Variants in SULF2 observed in about 807,000 individuals in gnomAD.
SULF2 encodes extracellular sulfatase Sulf-2.
Under a neutral mutation model 107.7 loss-of-function variants are expected in SULF2, and 52 were observed. That is an observed-to-expected ratio of 0.48 (90% CI 0.39 to 0.61). The LOEUF is 0.61. SULF2 is among the 20% of genes least tolerant of loss of function. SULF2 has a pLI of 0.00. For missense variants in SULF2, 993 were observed against 1,177.3 expected (o/e 0.84, Z 2.29); for synonymous variants, 460 against 464.3 (o/e 0.99, Z 0.12).
chr20:47,738,791 T>A (rs1043886556), intron 2 of SULF2, among the ~76,000 whole-genome samples: 1 of 152,240 alleles, frequency 6.6e-6, no homozygotes, highest in Non-Finnish European at 1.5e-5. Flanking sequence ...TTTTTCTTTC[T>A]AAATTACCCA....
At position 47,702,515 on chromosome 20, in the gene SULF2, T is replaced by A; in HGVS notation, c.567+4A>T. ...ACTCCCAGGCTGGAAAGGTTGCAGC[T>A]TACCTTGGAGTAGTCGGAGCCGTGC... On this transcript the variant is annotated splice_donor_region_variant and intron_variant, in intron 4 of 20. Transcript: ENST00000688720. 6.2e-7 allele frequency: 1 copy of A among 1,611,274 alleles called. No homozygotes were observed. Among genetic ancestry groups the A allele is most frequent in the Middle Eastern group, 2.2e-4 (1 of 4,546 alleles).
intron 1 of SULF2, among the ~76,000 whole-genome samples, chr20:47,782,100 C>T (rs1276093884): frequency 1.3e-5 from 2 of 152,300 alleles, no homozygotes; most frequent in African/African-American, 4.8e-5. Flanking sequence ...GATTACTTTA[C>T]AGTTCTTCTA....
chr20:47,724,387 T>C (rs551007786), intron 3 of SULF2, among the ~76,000 whole-genome samples: 85 of 152,318 alleles, frequency 5.6e-4, no homozygotes, highest in Middle Eastern at 3.4e-3. Context: ...GCTGTGGCTA[T>C]TGAGGAAGAC....
At chr20:47,658,657 T>G (rs1216771610) in intron 20 of SULF2, among the ~76,000 whole-genome samples, 5 of 152,172 alleles carry the variant, frequency 3.3e-5, no homozygotes, top group Non-Finnish European at 7.3e-5. Flanking sequence ...TGTACCTTAA[T>G]TCTAGAAGCA....
chr20:47,664,323 G>A (rs981502130), intron 14 of SULF2, 134 bp from the exon 15 acceptor site: 1 of 858,474 alleles, frequency 1.2e-6, no homozygotes. Flanking sequence ...GGGTGGTGGT[G>A]GGTAGGGCAT....
At chr20:47,778,686 GCT>G in intron 1 of SULF2, among the ~76,000 whole-genome samples, 1 of 152,320 alleles carries the variant, frequency 6.6e-6, no homozygotes. Context: ...TGAATATTTA[GCT>G]CTGTCTGTTA....
At chr20:47,671,506 T>A (rs1052370164) in intron 11 of SULF2, among the ~76,000 whole-genome samples, 1 of 151,954 alleles carries the variant, frequency 6.6e-6, no homozygotes, top group Non-Finnish European at 1.5e-5. Context: ...ACTCCTGACC[T>A]CAAGTGATCT....
chr20:47,676,701 G>C, intron 9 of SULF2, 78 bp from the exon 10 acceptor site: 1 of 1,519,708 alleles, frequency 6.6e-7, no homozygotes, highest in Non-Finnish European at 8.8e-7. Flanking sequence ...TGCCCACCTA[G>C]AGGGGTGCCC....
chr20:47,765,340 C>A (rs1056995226), intron 1 of SULF2, among the ~76,000 whole-genome samples: 1 of 146,158 alleles, frequency 6.8e-6, no homozygotes, highest in African/African-American at 2.6e-5. Flanking sequence ...GGTGACAGAG[C>A]GACACTGCCT....
intron 7 of SULF2, among the ~76,000 whole-genome samples, chr20:47,679,899 C>T (rs753065781): frequency 1.4e-5 from 2 of 144,450 alleles, no homozygotes; most frequent in Non-Finnish European, 3.0e-5. Context: ...CTTTATCTTT[C>T]TCCTGAAGAC....
Position 47,666,003 on chromosome 20 carries a change from C to G in SULF2, c.1806-50G>C. 1.2e-6 allele frequency: 2 copies of G among 1,600,316 alleles called. No individual in the cohort carries two copies. The highest frequency in any genetic ancestry group is 1.7e-6 in the Non-Finnish European group (2 of 1,167,844). ...TGGCTCGGAGGTGGTGGAGGGGGAG[C>G]AGCCCAGGTGCCCAAGAGGTGTGGG... On this transcript the variant is annotated intron_variant, in intron 12 of 20. Coordinates refer to ENST00000688720, the MANE Select transcript of SULF2 (RefSeq NM_001387048.1). The surrounding 1 kb of genome is among the most constrained non-coding windows in gnomAD (Gnocchi z 5.4).
At chr20:47,673,981 C>A (rs941641552) in intron 10 of SULF2, among the ~76,000 whole-genome samples, 1 of 152,270 alleles carries the variant, frequency 6.6e-6, no homozygotes, top group African/African-American at 2.4e-5. Flanking sequence ...TCCAACCCAA[C>A]AAACTCAGCT....
chr20:47,714,488 C>G (rs369133533), intron 3 of SULF2, among the ~76,000 whole-genome samples: 1 of 152,308 alleles, frequency 6.6e-6, no homozygotes, highest in African/African-American at 2.4e-5. Flanking sequence ...ATCCGCCTGT[C>G]ACCATCTTGG....
chr20:47,751,434 C>A (rs969118993), intron 2 of SULF2, among the ~76,000 whole-genome samples: 1 of 152,192 alleles, frequency 6.6e-6, no homozygotes, highest in Non-Finnish European at 1.5e-5. Flanking sequence ...ACCAGAAGTC[C>A]CAGACAGTGT....
chr20:47,671,009 C>A (rs1305925244), intron 11 of SULF2, among the ~76,000 whole-genome samples: 1 of 151,606 alleles, frequency 6.6e-6, no homozygotes, highest in African/African-American at 2.4e-5. Context: ...CCCGACGCCT[C>A]CACACATTTT....
In SULF2 at chr20:47,663,137, T is replaced by C. The variant is rs1266606402; in HGVS notation, c.2303A>G (p.Asn768Ser). The C allele has an allele frequency of 2.5e-6, 4 of 1,614,052 alleles. No individual in the cohort carries two copies. In the Admixed American group the frequency reaches 6.7e-5, roughly 27 times the overall value. The change falls in exon 17 of 21, where the codon AAT (asparagine) becomes AGT (serine). Residue 768 changes from asparagine to serine, a missense_variant. Around this residue, in one of 3 missense-constraint regions of SULF2, gnomAD observed 497 missense variants for 544.1 expected, o/e 0.91. Transcript: ENST00000688720. ...WCMRTINETHNFLFCEFATGF... is the reference protein window; with the variant it reads ...WCMRTINETHSFLFCEFATGF... ...AGTTGCAAATTCACAGAAGAGGAAA[T>C]TGTGAGTCTCATTGATGGTCCTCAT...
chr20:47,767,887 C>T (rs1244550885), intron 1 of SULF2, among the ~76,000 whole-genome samples: 5 of 147,930 alleles, frequency 3.4e-5, no homozygotes, highest in African/African-American at 5.0e-5. Flanking sequence ...CCAGCCTAGG[C>T]GACAGAGCAA....
At chr20:47,765,371 CAA>C (rs11478422) in intron 1 of SULF2, among the ~76,000 whole-genome samples, 14,502 of 138,194 alleles carry the variant, frequency 0.1, 963 homozygotes, top group African/African-American at 0.18. Context: ...CAAAACAAAA[CAA>C]AAAAAAAAAA....
At chr20:47,776,702 G>C (rs1360488042) in intron 1 of SULF2, among the ~76,000 whole-genome samples, 6 of 152,174 alleles carry the variant, frequency 3.9e-5, no homozygotes, top group Non-Finnish European at 7.3e-5. Flanking sequence ...GAAGTGGAGG[G>C]TTCCACCAGC....
Sources: gnomAD v4.1 joint callset for allele counts (sites outside exome capture counted in the v4.1 genomes callset) on GRCh38, gnomAD v4.1.1 for gene constraint, gnomAD v4.1.1 regional missense constraint, Gnocchi (gnomAD v3.1) non-coding constraint, MANE v1.5 for transcripts, NCBI Gene and HGNC (gene_info 2026-07-23, HGNC 2026-07-21) for gene names.